Variants in TMEM178B observed in about 807,000 individuals in gnomAD.
TMEM178B encodes the protein transmembrane protein 178B.
Under a neutral mutation model 31.0 loss-of-function variants are expected in TMEM178B, and 5 were observed. That is an observed-to-expected ratio of 0.16 (90% CI 0.08 to 0.34). TMEM178B has a LOEUF of 0.34. Among genes scored for constraint, TMEM178B ranks in the 10% least tolerant of loss-of-function variants. TMEM178B has a pLI of 1.00. For missense variants in TMEM178B, 275 were observed against 400.3 expected, an observed-to-expected ratio of 0.69 and a Z score of 2.67; for synonymous variants, 164 against 164.0, an observed-to-expected ratio of 1.00 and a Z score of 0.00.
At chr7:141,483,427 C>T (rs1802510003), downstream of TMEM178B, among the ~76,000 whole-genome samples, 1 of 152,214 alleles carries the variant, frequency 6.6e-6, no homozygotes, top group Admixed American at 6.5e-5. Context: ...TCAGGCAGCT[C>T]CATGCACCCT....
intron 1 of TMEM178B, among the ~76,000 whole-genome samples, chr7:141,128,838 G>T (rs112729282): frequency 3.1e-4 from 47 of 152,232 alleles, no homozygotes; most frequent in African/African-American, 9.9e-4. Context: ...CTCTGCTGTT[G>T]TCAGAAACAA....
rs187416659 is a variant in TMEM178B at position 141,259,227 on chromosome 7, T to C, written c.496+46523T>C. On this transcript the variant is annotated intron_variant, in intron 2 of 3. Coordinates refer to ENST00000565468, the MANE Select transcript of TMEM178B (RefSeq NM_001195278.2). ...TTATTCTTTCTTCTGCCATATGATA[T>C]ACTCTTTTAAGCCTCTCTAATGAAG... 1.6e-3 allele frequency among the ~76,000 whole-genome samples: 242 copies of C among 152,318 alleles called. 1 individual carries two copies. The highest frequency in any genetic ancestry group is 5.5e-3 in the African/African-American group (227 of 41,584).
At chr7:141,458,689 C>T (rs983976483) in intron 3 of TMEM178B, among the ~76,000 whole-genome samples, 6 of 152,102 alleles carry the variant, frequency 3.9e-5, no homozygotes, top group Admixed American at 3.9e-4. Flanking sequence ...TAATATTATA[C>T]CTTACATGTA....
chr7:141,283,376 A>G (rs1798396029), intron 2 of TMEM178B, among the ~76,000 whole-genome samples: 1 of 152,202 alleles, frequency 6.6e-6, no homozygotes, highest in South Asian at 2.1e-4. Flanking sequence ...AGACTGGGGA[A>G]GCAGACGGTG....
chr7:141,501,102 G>A, the TMEM178B span, among the ~76,000 whole-genome samples: 2 of 152,118 alleles, frequency 1.3e-5, no homozygotes, highest in African/African-American at 4.8e-5. Context: ...GTCTCCAGTA[G>A]ATGTGCCAGC....
chr7:141,184,447 T>C (rs933056207), intron 1 of TMEM178B, among the ~76,000 whole-genome samples: 7 of 152,170 alleles, frequency 4.6e-5, no homozygotes, highest in Admixed American at 4.6e-4. Context: ...TGGAGGGCTC[T>C]GACATTTCCT....
At chr7:141,286,894 A>G (rs886126662) in intron 2 of TMEM178B, among the ~76,000 whole-genome samples, 2 of 152,248 alleles carry the variant, frequency 1.3e-5, no homozygotes, top group Non-Finnish European at 2.9e-5. Context: ...TGAATTACAA[A>G]TAATCTAGAC....
the TMEM178B span, among the ~76,000 whole-genome samples, chr7:141,497,484 T>C: frequency 6.6e-6 from 1 of 152,250 alleles, no homozygotes; most frequent in Non-Finnish European, 1.5e-5. Flanking sequence ...TGTGACAAAC[T>C]GAGCATCATA....
intron 1 of TMEM178B, 93 bp from the exon 2 acceptor site, chr7:141,212,498 T>G (rs1466210191): frequency 1.9e-6 from 2 of 1,055,006 alleles, no homozygotes; most frequent in Non-Finnish European, 2.8e-6. Flanking sequence ...ATGAAAGAAG[T>G]CTTCTTCTCC....
intron 1 of TMEM178B, among the ~76,000 whole-genome samples, chr7:141,196,932 AG>A (rs998896713): frequency 6.6e-6 from 1 of 152,170 alleles, no homozygotes; most frequent in African/African-American, 2.4e-5. Flanking sequence ...GGATGGGGTG[AG>A]ATGCCAGCAA....
chr7:141,216,449 G>GTGTGTGTGCGCA (rs10690027), intron 2 of TMEM178B, among the ~76,000 whole-genome samples: 1 of 16,834 alleles, frequency 5.9e-5, no homozygotes, highest in African/African-American at 1.3e-4. Context: ...GTGTGTGTGT[G>GTGTGTGTGCGCA]CGCGCGCGCG....
chr7:141,460,992 G>A (rs971758150), intron 3 of TMEM178B, among the ~76,000 whole-genome samples: 2 of 152,168 alleles, frequency 1.3e-5, no homozygotes, highest in African/African-American at 4.8e-5. Flanking sequence ...TTTATATTCC[G>A]TGCAGGTCTG....
At chr7:141,381,337 G>A (rs1170284693) in intron 2 of TMEM178B, among the ~76,000 whole-genome samples, 1 of 152,166 alleles carries the variant, frequency 6.6e-6, no homozygotes, top group Non-Finnish European at 1.5e-5. Flanking sequence ...TAATAAAGAT[G>A]TAGACTCTTT....
intron 1 of TMEM178B, among the ~76,000 whole-genome samples, chr7:141,210,350 G>A (rs1019915886): frequency 4.5e-4 from 69 of 152,252 alleles, no homozygotes; most frequent in African/African-American, 1.6e-3. Context: ...TGTAATCCCA[G>A]CTACTTGGGG....
chr7:141,377,783 G>A (rs898715834), intron 2 of TMEM178B, among the ~76,000 whole-genome samples: 3 of 152,122 alleles, frequency 2.0e-5, no homozygotes, highest in African/African-American at 7.2e-5. Flanking sequence ...TGGAAGTTGA[G>A]TACTTTTTAA....
intron 2 of TMEM178B, among the ~76,000 whole-genome samples, chr7:141,280,744 C>T (rs1258568022): frequency 6.6e-6 from 1 of 151,938 alleles, no homozygotes; most frequent in Non-Finnish European, 1.5e-5. Context: ...CTTTTTTCCT[C>T]CTAGCAGAGG....
chr7:141,220,354 AATAAT>A (rs879263779), intron 2 of TMEM178B, among the ~76,000 whole-genome samples: 2,059 of 127,636 alleles, frequency 0.016, 21 homozygotes, highest in Non-Finnish European at 0.024. Flanking sequence ...TAATAATAAT[AATAAT>A]AAAATAATAA....
the TMEM178B span, among the ~76,000 whole-genome samples, chr7:141,489,066 C>CT: frequency 4.0e-3 from 611 of 152,226 alleles, 1 homozygote; most frequent in Non-Finnish European, 6.4e-3. Context: ...TTTTGACATA[C>CT]TTTTTTCTGG....
chr7:141,455,155 T>C (rs1801940925), intron 3 of TMEM178B, among the ~76,000 whole-genome samples: 1 of 152,212 alleles, frequency 6.6e-6, no homozygotes, highest in Non-Finnish European at 1.5e-5. Context: ...TCATTTCCTT[T>C]CTTGACCTCT....
Sources: gnomAD v4.1 joint callset for allele counts (sites outside exome capture counted in the v4.1 genomes callset) on GRCh38, gnomAD v4.1.1 for gene constraint, MANE v1.5 for transcripts, NCBI Gene and HGNC (gene_info 2026-07-23, HGNC 2026-07-21) for gene names.